RILPL1: variants seen among roughly 807,000 people sequenced by gnomAD.
RILPL1 encodes the protein RILP-like protein 1.
A neutral mutation model predicts 50.3 loss-of-function variants in RILPL1; 33 were observed. The ratio of observed to expected loss-of-function variants is 0.66; its 90% CI spans 0.50 to 0.88. The LOEUF (loss-of-function observed/expected upper bound fraction) is 0.88, where lower values mean the gene tolerates loss of function less well. Ranked by LOEUF, RILPL1 falls within the 40% of genes least tolerant of loss-of-function variation. The pLI is 0.00. For synonymous variants in RILPL1, 205 were observed against 228.6 expected (o/e 0.90, Z 0.93); for missense variants, 418 against 542.5 (o/e 0.77, Z 2.28).
Position 123,494,028 on chromosome 12 carries a change from AC to A in RILPL1, c.801+4515del, listed in dbSNP as rs1882867453. 2.6e-5 allele frequency among the ~76,000 whole-genome samples: 4 copies of A among 151,078 alleles called. No individual in the cohort carries two copies. In the South Asian group the frequency reaches 8.4e-4, roughly 32 times the overall value. On this transcript the variant is annotated intron_variant, in intron 4 of 6. Coordinates refer to ENST00000376874, the MANE Select transcript of RILPL1 (RefSeq NM_178314.5). ...TCAAACTCCTGACCTCAGGTGATCC[AC>A]CCGCCTTGGCCTCCCCAAGTGCTGG...
At chr12:123,516,525 G>A (rs1884705223) in intron 2 of RILPL1, among the ~76,000 whole-genome samples, 1 of 152,164 alleles carries the variant, frequency 6.6e-6, no homozygotes, top group African/African-American at 2.4e-5. Context: ...TCCCCTCTGG[G>A]GGCACTTCTT....
rs1003284221 is a variant in RILPL1 at position 123,522,988 on chromosome 12, C to T, written c.460+507G>A. Among the ~76,000 whole-genome samples the T allele has an allele frequency of 6.6e-5, 10 of 152,162 alleles. No homozygotes were observed. The highest frequency in any genetic ancestry group is 2.4e-4 in the African/African-American group (10 of 41,430). Reference sequence around the variant, plus strand: ...CCGACCCAACAAATGCAGATATTTGCGTGGCTCACTCTGTTACTTCATTAG... The same window carrying T: ...CCGACCCAACAAATGCAGATATTTGTGTGGCTCACTCTGTTACTTCATTAG... On this transcript the variant is annotated intron_variant, in intron 2 of 6. Coordinates refer to ENST00000376874, the MANE Select transcript of RILPL1 (RefSeq NM_178314.5). The surrounding 1 kb of genome is among the most constrained non-coding windows in gnomAD (Gnocchi z 4.0).
Position 123,533,348 on chromosome 12 carries a change from G to C in RILPL1, c.135C>G (p.His45Gln), listed in dbSNP as rs1885513317. The stretch of plus-strand genomic sequence containing the variant: ...TGAGGCGCGCGATGGCCTCGCAGCC[G>C]TGCTGGTCAATGACCCGCTCGAACT... Reference protein sequence around the residue: ...GHEFERVIDQHGCEAIARLMP... With the variant: ...GHEFERVIDQQGCEAIARLMP... The change falls in exon 1 of 7, where the codon CAC (histidine) becomes CAG (glutamine). Residue 45 changes from histidine (H) to glutamine (Q), a missense_variant. Transcript: ENST00000376874. This position sits in a 1 kb window ranked among gnomAD's most constrained non-coding sequence, Gnocchi z 6.2. 6.3e-7 allele frequency: 1 copy of C among 1,579,550 alleles called. No homozygotes were observed. The highest frequency in any genetic ancestry group is 8.6e-7 in the Non-Finnish European group (1 of 1,165,068).
chr12:123,517,044 C>T (rs1235834668), intron 2 of RILPL1, among the ~76,000 whole-genome samples: 4 of 151,914 alleles, frequency 2.6e-5, no homozygotes, highest in South Asian at 2.1e-4. Flanking sequence ...CTCCAGCCTG[C>T]GGGGCAAAGT....
Position 123,523,510 on chromosome 12 carries a change from A to G in RILPL1, c.445T>C (p.Phe149Leu). The change falls in exon 2 of 7, where the codon TTC becomes CTC. Residue 149 changes from phenylalanine to leucine, a missense_variant. By Grantham distance (22) the Phe-to-Leu change is conservative (BLOSUM62 0). Coordinates refer to ENST00000376874, the MANE Select transcript of RILPL1 (RefSeq NM_178314.5). Reference sequence around the variant, plus strand: ...CCCCACTTACCTTCATGCTTCTGGAACTCCTCCTCTGAGAAATTGACATCC... The same window carrying G: ...CCCCACTTACCTTCATGCTTCTGGAGCTCCTCCTCTGAGAAATTGACATCC... The part of the protein sequence containing the change: ...HKDVNFSEEE[F>L]QKHEGMSERE... The G allele has an allele frequency of 6.2e-7, 1 of 1,613,822 alleles. No individual in the cohort carries two copies. The highest frequency in any genetic ancestry group is 1.1e-5 in the South Asian group (1 of 91,068).
intron 1 of RILPL1, among the ~76,000 whole-genome samples, chr12:123,528,341 A>G (rs2139392337): frequency 6.9e-6 from 1 of 145,958 alleles, no homozygotes; most frequent in South Asian, 2.3e-4. Flanking sequence ...CCTGGGCAAC[A>G]GAGTGAGATG....
chr12:123,528,673 C>G (rs143928387), intron 1 of RILPL1, among the ~76,000 whole-genome samples: 1 of 152,006 alleles, frequency 6.6e-6, no homozygotes, highest in African/African-American at 2.4e-5. Context: ...GTGATCCGCC[C>G]GCTTCAGCCT....
intron 2 of RILPL1, chr12:123,513,388 T>TC: frequency 2.6e-6 from 1 of 382,290 alleles, no homozygotes; most frequent in Non-Finnish European, 5.5e-6. Flanking sequence ...CTGCCTTGGC[T>TC]CCCCGAGAGG....
At chr12:123,516,935 C>T (rs374951018) in intron 2 of RILPL1, among the ~76,000 whole-genome samples, 1 of 152,114 alleles carries the variant, frequency 6.6e-6, no homozygotes, top group African/African-American at 2.4e-5. Context: ...GTAGCACATG[C>T]CTGTAGTCCC....
At chr12:123,492,007 A>T (rs939386005) in intron 4 of RILPL1, among the ~76,000 whole-genome samples, 2 of 151,894 alleles carry the variant, frequency 1.3e-5, no homozygotes, top group Non-Finnish European at 1.5e-5. Flanking sequence ...ACCCTGACTC[A>T]AAATAAATAA....
chr12:123,504,533 CT>C (rs1345155465), intron 2 of RILPL1, among the ~76,000 whole-genome samples: 5 of 152,140 alleles, frequency 3.3e-5, no homozygotes, highest in Admixed American at 2.0e-4. Context: ...TCTCATTCGT[CT>C]CTGTATTCCA....
intron 1 of RILPL1, among the ~76,000 whole-genome samples, chr12:123,531,123 A>G (rs1885430476): frequency 6.6e-6 from 1 of 151,992 alleles, no homozygotes; most frequent in Non-Finnish European, 1.5e-5. Context: ...AGGAAAAAAA[A>G]AAAAAAATCA....
In RILPL1 at chr12:123,471,545, C is replaced by T. The variant is rs1881190625; in HGVS notation, c.*993G>A. The T allele has an allele frequency of 6.6e-6, 1 of 152,178 alleles. No individual in the cohort carries two copies. The highest frequency in any genetic ancestry group is 2.4e-5 in the African/African-American group (1 of 41,430). 9.4% of individuals were successfully genotyped at this position (152,178 alleles called of 1,614,324 possible). The stretch of plus-strand genomic sequence containing the variant: ...GTTATGTGGGCAAGCCTCCAACTCA[C>T]CAGTTGCAGTAGAGCATCTGGCTCT... On this transcript the variant is annotated 3_prime_UTR_variant, in exon 7 of 7. Transcript: ENST00000376874.
Position 123,533,463 on chromosome 12 carries a change from G to C in RILPL1, c.20C>G (p.Ser7Trp). Reference sequence around the variant, plus strand: ...CAGCGCCGACTCGGCCGCCAGCGCCGACCCCCGCTCCTCCTCCATGGCCAC... The same window carrying C: ...CAGCGCCGACTCGGCCGCCAGCGCCCACCCCCGCTCCTCCTCCATGGCCAC... MEEERGSALAAESALEK... is the reference protein window; with the variant it reads MEEERGWALAAESALEK... The change falls in exon 1 of 7, where the codon TCG becomes TGG. Residue 7 changes from serine (S) to tryptophan (W), a missense_variant. Ser to Trp is a radical substitution (Grantham distance 177). Transcript: ENST00000376874. The surrounding 1 kb of genome is among the most constrained non-coding windows in gnomAD (Gnocchi z 6.2). 1 of 1,528,082 alleles carries C rather than the reference G, an allele frequency of 6.5e-7. No homozygotes were observed. The highest frequency in any genetic ancestry group is 8.8e-7 in the Non-Finnish European group (1 of 1,135,292). The allele number at this position is 1,528,082 out of a possible 1,614,324, so 94.7% of individuals were successfully genotyped here.
chr12:123,512,521 AGGTCTGTGTGTGTGT>A (rs566376542), intron 2 of RILPL1, among the ~76,000 whole-genome samples: 582 of 57,408 alleles, frequency 0.01, 2 homozygotes, highest in African/African-American at 0.024. Flanking sequence ...TGTGTGTGTG[AGGTCTGTGTGTGTGT>A]GGTCTGTGTG....
chr12:123,475,593 C>A (rs2139304103), intron 6 of RILPL1: 9 of 1,012,832 alleles, frequency 8.9e-6, no homozygotes, highest in South Asian at 8.1e-5. Context: ...CAGGTCAGCC[C>A]CAGCAGTAGC....
chr12:123,518,049 T>C lies in RILPL1; in HGVS notation c.460+5446A>G, dbSNP rs111972882. 2.1e-3 allele frequency among the ~76,000 whole-genome samples: 323 copies of C among 152,252 alleles called. 1 individual carries two copies. Among genetic ancestry groups the C allele is most frequent in the Non-Finnish European group, 4.0e-3 (270 of 68,010 alleles). On this transcript the variant is annotated intron_variant, in intron 2 of 6. Coordinates refer to ENST00000376874, the MANE Select transcript of RILPL1 (RefSeq NM_178314.5). ...AAATCCATAGAGACAGTAAGTAGAA[T>C]GGTGGGTGCCAGGGGCCAATGGCGT...
chr12:123,507,953 G>GAAAAAAAAAAAAA (rs56309765), intron 2 of RILPL1, among the ~76,000 whole-genome samples: 2 of 115,012 alleles, frequency 1.7e-5, no homozygotes, highest in African/African-American at 3.2e-5. Context: ...AAAAAAAAAA[G>GAAAAAAAAAAAAA]AAAAAAAAAA....
chr12:123,501,443 A>AAAACAAACAAACAAACAAAC (rs34227751), intron 2 of RILPL1, among the ~76,000 whole-genome samples: 1 of 149,720 alleles, frequency 6.7e-6, no homozygotes, highest in African/African-American at 2.5e-5. Context: ...ACCCTGTCTC[A>AAAACAAACAAACAAACAAAC]AAACAAACAA....
Sources: gnomAD v4.1 joint callset for allele counts (sites outside exome capture counted in the v4.1 genomes callset) on GRCh38, gnomAD v4.1.1 for gene constraint, Gnocchi (gnomAD v3.1) non-coding constraint, MANE v1.5 for transcripts, NCBI Gene and HGNC (gene_info 2026-07-23, HGNC 2026-07-21) for gene names.